Variants in KCNH5 observed in about 807,000 individuals in gnomAD.
KCNH5 encodes the protein voltage-gated delayed rectifier potassium channel KCNH5.
Under a neutral mutation model 96.1 loss-of-function variants are expected in KCNH5, and 46 were observed. The ratio of observed to expected loss-of-function variants is 0.48; its 90% CI spans 0.38 to 0.61. KCNH5 has a LOEUF of 0.61. Ranked by LOEUF, KCNH5 falls within the 20% of genes least tolerant of loss-of-function variation. KCNH5 has a pLI of 0.00. For missense variants in KCNH5, 907 were observed against 1,225.8 expected, an observed-to-expected ratio of 0.74 and a Z score of 3.88; for synonymous variants, 439 against 449.8, an observed-to-expected ratio of 0.98 and a Z score of 0.30.
At chr14:62,993,030 A>T (rs1025937521) in intron 4 of KCNH5, among the ~76,000 whole-genome samples, 1 of 152,074 alleles carries the variant, frequency 6.6e-6, no homozygotes, top group Non-Finnish European at 1.5e-5. Flanking sequence ...TCTTCTGCAT[A>T]TGGCAATCCA....
chr14:62,861,565 G>A (rs1467116523), intron 7 of KCNH5, among the ~76,000 whole-genome samples: 2 of 150,364 alleles, frequency 1.3e-5, no homozygotes, highest in Non-Finnish European at 3.0e-5. Context: ...TGTCTTTGTC[G>A]CTTCTATTTT....
At chr14:63,042,806 T>C (rs1394347216) in intron 1 of KCNH5, among the ~76,000 whole-genome samples, 2 of 152,158 alleles carry the variant, frequency 1.3e-5, no homozygotes, top group African/African-American at 4.8e-5. Flanking sequence ...TCTCAATTTC[T>C]GAGGTTCTGC....
chr14:62,892,273 A>G (rs1192864888), intron 7 of KCNH5, among the ~76,000 whole-genome samples: 2 of 152,334 alleles, frequency 1.3e-5, no homozygotes, highest in East Asian at 3.9e-4. Context: ...GAAAATTTAA[A>G]TGATCTGGAT....
At chr14:63,015,053 T>C (rs1891300748) in intron 2 of KCNH5, among the ~76,000 whole-genome samples, 1 of 152,082 alleles carries the variant, frequency 6.6e-6, no homozygotes, top group Non-Finnish European at 1.5e-5. Context: ...CAGATTTTCA[T>C]CACTCCCATT....
At chr14:62,795,671 T>C (rs1184840176) in intron 9 of KCNH5, among the ~76,000 whole-genome samples, 1 of 152,120 alleles carries the variant, frequency 6.6e-6, no homozygotes, top group African/African-American at 2.4e-5. Context: ...TCACTCACAA[T>C]AGCCTTTACT....
In KCNH5 at chr14:62,887,950, A is replaced by T. The variant is rs145858778; in HGVS notation, c.1370-38098T>A. On this transcript the variant is annotated intron_variant, in intron 7 of 10. Transcript: ENST00000322893. ...CCAGTTCTTACTCCTTAAAACAAGA[A>T]GGATAAATGAAATTAGTTTTAGTTT... Among the ~76,000 whole-genome samples, 1,036 of 152,284 alleles carry T rather than the reference A, an allele frequency of 6.8e-3. 14 individuals are homozygous for T. Among genetic ancestry groups the T allele is most frequent in the African/African-American group, 0.024 (979 of 41,544 alleles).
intron 1 of KCNH5, among the ~76,000 whole-genome samples, chr14:63,032,775 T>C (rs1891652539): frequency 6.6e-6 from 1 of 152,214 alleles, no homozygotes; most frequent in South Asian, 2.1e-4. Flanking sequence ...TGTACACACT[T>C]ATATTGAGCT....
At chr14:62,785,649 C>A (rs555511880) in intron 9 of KCNH5, among the ~76,000 whole-genome samples, 1 of 152,076 alleles carries the variant, frequency 6.6e-6, no homozygotes, top group Non-Finnish European at 1.5e-5. Context: ...TGAAGTATTT[C>A]ACTGTTAAAC....
intron 8 of KCNH5, among the ~76,000 whole-genome samples, chr14:62,809,093 TG>T (rs1566667365): frequency 6.6e-6 from 1 of 152,142 alleles, no homozygotes. Context: ...GCCTTTGTTT[TG>T]TTTTTCAGAG....
chr14:62,824,644 G>T (rs780594875), intron 8 of KCNH5, among the ~76,000 whole-genome samples: 1 of 151,888 alleles, frequency 6.6e-6, no homozygotes, highest in South Asian at 2.1e-4. Flanking sequence ...TTTACATTCA[G>T]GGGTACACAT....
chr14:62,948,812 T>C (rs1480694665), intron 7 of KCNH5, among the ~76,000 whole-genome samples: 3 of 144,768 alleles, frequency 2.1e-5, no homozygotes, highest in Non-Finnish European at 3.0e-5. Flanking sequence ...TTATCCACCA[T>C]GATCAAGTGG....
At chr14:62,882,163 T>C (rs1888506979) in intron 7 of KCNH5, among the ~76,000 whole-genome samples, 1 of 144,664 alleles carries the variant, frequency 6.9e-6, no homozygotes, top group South Asian at 2.2e-4. Context: ...TAGTCTCAGC[T>C]ACTTGGGAAG....
chr14:62,995,291 T>C (rs1303622695), intron 4 of KCNH5, among the ~76,000 whole-genome samples: 11 of 152,106 alleles, frequency 7.2e-5, no homozygotes, highest in Admixed American at 7.2e-4. Context: ...GTCCTTGCTC[T>C]GGGATTACAT....
chr14:62,815,629 T>C (rs1359599023), intron 8 of KCNH5, among the ~76,000 whole-genome samples: 1 of 152,012 alleles, frequency 6.6e-6, no homozygotes, highest in Non-Finnish European at 1.5e-5. Context: ...TTTTTGTTTG[T>C]AAATTATACC....
chr14:62,878,922 C>T (rs1244110464), intron 7 of KCNH5, among the ~76,000 whole-genome samples: 1 of 152,050 alleles, frequency 6.6e-6, no homozygotes, highest in African/African-American at 2.4e-5. Flanking sequence ...TTAGGACCCA[C>T]CCTAATAACT....
At chr14:62,772,831 T>C (rs1055693760) in intron 10 of KCNH5, among the ~76,000 whole-genome samples, 6 of 152,102 alleles carry the variant, frequency 3.9e-5, no homozygotes, top group Admixed American at 2.6e-4. Context: ...GTTAAATGCT[T>C]TCACTAAAAT....
intron 10 of KCNH5, among the ~76,000 whole-genome samples, chr14:62,771,557 A>G (rs1404962223): frequency 2.6e-5 from 4 of 152,082 alleles, no homozygotes; most frequent in Admixed American, 6.5e-5. Context: ...CCCGGGAGGC[A>G]GAGCTTGCAG....
chr14:62,758,292 T>C (rs1481152132), intron 10 of KCNH5, among the ~76,000 whole-genome samples: 1 of 152,122 alleles, frequency 6.6e-6, no homozygotes, highest in East Asian at 1.9e-4. Flanking sequence ...GATAAATGCT[T>C]GAGGAGATAG....
intron 7 of KCNH5, among the ~76,000 whole-genome samples, chr14:62,865,380 G>A (rs906866803): frequency 2.6e-5 from 4 of 151,538 alleles, no homozygotes; most frequent in African/African-American, 9.7e-5. Flanking sequence ...AGACAAGTTG[G>A]ACTGGAGTGG....
Sources: gnomAD v4.1 joint callset for allele counts (sites outside exome capture counted in the v4.1 genomes callset) on GRCh38, gnomAD v4.1.1 for gene constraint, MANE v1.5 for transcripts, NCBI Gene and HGNC (gene_info 2026-07-23, HGNC 2026-07-21) for gene names.